Variants in MYPN observed in about 807,000 individuals in gnomAD.
MYPN encodes sarcomeric protein myopalladin, 145 kDa (MYOP).
In MYPN, 63 loss-of-function variants were observed where a neutral mutation model predicts 129.4. That is an observed-to-expected ratio of 0.49 (90% CI 0.40 to 0.60). MYPN has a LOEUF of 0.60. Among genes scored for constraint, MYPN ranks in the 20% least tolerant of loss-of-function variants. The probability of loss-of-function intolerance (pLI) is 0.00; values close to 1 mark genes in which losing one functional copy is unlikely to be tolerated. For synonymous variants in MYPN, 629 were observed against 600.9 expected, an observed-to-expected ratio of 1.05 and a Z score of -0.68; for missense variants, 1,596 against 1,635.4, an observed-to-expected ratio of 0.98 and a Z score of 0.42.
intron 6 of MYPN, among the ~76,000 whole-genome samples, chr10:68,152,525 A>T (rs1191305214): frequency 6.6e-6 from 1 of 152,154 alleles, no homozygotes; most frequent in East Asian, 1.9e-4. Flanking sequence ...TCTCCCGTTC[A>T]CCTTGAAGAC....
At chr10:68,154,800 A>G (rs75782977) in intron 6 of MYPN, among the ~76,000 whole-genome samples, 36 of 152,352 alleles carry the variant, frequency 2.4e-4, no homozygotes, top group African/African-American at 7.2e-4. Flanking sequence ...TCTACTAAGC[A>G]AGAACTATAT....
At chr10:68,139,720 C>T (rs2042544892) in intron 2 of MYPN, among the ~76,000 whole-genome samples, 1 of 152,168 alleles carries the variant, frequency 6.6e-6, no homozygotes, top group Admixed American at 6.5e-5. Context: ...TGCCATAGAA[C>T]TTGATGAAGC....
At position 68,175,487 on chromosome 10, in the gene MYPN, T is replaced by C. The variant is rs776821443; in HGVS notation, c.2703+26T>C. On this transcript the variant is annotated intron_variant, in intron 12 of 19. Coordinates refer to ENST00000358913, the MANE Select transcript of MYPN (RefSeq NM_032578.4). ...GTAAGATTGTTGGATTTAGAAGGTT[T>C]ATTGAAATTTTATTGTAAGGAATTT... 9.3e-6 allele frequency: 15 copies of C among 1,612,882 alleles called. No homozygotes were observed. In the Admixed American group the frequency reaches 2.3e-4, roughly 25 times the overall value.
rs1288217143 is a variant in MYPN at position 68,122,285 on chromosome 10, G to A, written c.847G>A (p.Gly283Arg). The change falls in exon 2 of 20, where the codon GGA (glycine) becomes AGA (arginine). Residue 283 changes from glycine (G) to arginine (R), a missense_variant. Coordinates refer to ENST00000358913, the MANE Select transcript of MYPN (RefSeq NM_032578.4). ...QKLRSREVPE[G>R]TRVQLDCIVV... is the part of the protein sequence containing the mutation. ...GTTACGGAGCAGAGAAGTTCCAGAAGGAACTCGAGTACAGTTGGATTGCAT... is the reference window on the plus strand; with the variant it reads ...GTTACGGAGCAGAGAAGTTCCAGAAAGAACTCGAGTACAGTTGGATTGCAT... 1.2e-6 allele frequency: 2 copies of A among 1,613,990 alleles called. No homozygotes were observed. Among genetic ancestry groups the A allele is most frequent in the Admixed American group, 1.7e-5 (1 of 60,020 alleles).
chr10:68,144,754 T>G (rs1239733779), intron 3 of MYPN, among the ~76,000 whole-genome samples: 1 of 152,152 alleles, frequency 6.6e-6, no homozygotes, highest in Non-Finnish European at 1.5e-5. Context: ...CCTACAATGT[T>G]TGGAATCCAG....
intron 2 of MYPN, among the ~76,000 whole-genome samples, chr10:68,138,864 T>C (rs182524424): frequency 3.9e-4 from 59 of 152,298 alleles, no homozygotes; most frequent in Non-Finnish European, 7.2e-4. Flanking sequence ...CCTGGTAGGG[T>C]AAAGTGAATG....
intron 4 of MYPN, among the ~76,000 whole-genome samples, chr10:68,146,554 T>C (rs1030955270): frequency 5.3e-5 from 8 of 152,240 alleles, no homozygotes; most frequent in African/African-American, 1.9e-4. Flanking sequence ...TTGTGTATCA[T>C]AGAGACTCAA....
At chr10:68,169,649 G>T (rs2043114802) in intron 10 of MYPN, among the ~76,000 whole-genome samples, 1 of 151,924 alleles carries the variant, frequency 6.6e-6, no homozygotes, top group African/African-American at 2.4e-5. Flanking sequence ...TCTTCTCCAG[G>T]TCCCCTCATG....
At chr10:68,136,211 C>A (rs910492369) in intron 2 of MYPN, 1 of 986,098 alleles carries the variant, frequency 1.0e-6, no homozygotes, top group Non-Finnish European at 1.2e-6. Flanking sequence ...TCTTCCCAGG[C>A]TTGCTAGCTA....
chr10:68,124,127 G>A (rs1048190923), intron 2 of MYPN, among the ~76,000 whole-genome samples: 17 of 152,084 alleles, frequency 1.1e-4, no homozygotes, highest in Admixed American at 6.6e-5. Context: ...ACCTAATTTT[G>A]CATTCTAAGT....
intron 10 of MYPN, among the ~76,000 whole-genome samples, chr10:68,171,603 G>A (rs1228981775): frequency 6.6e-6 from 1 of 152,202 alleles, no homozygotes; most frequent in Non-Finnish European, 1.5e-5. Flanking sequence ...TTCCATCCCA[G>A]GTAAATTAAC....
intron 18 of MYPN, among the ~76,000 whole-genome samples, chr10:68,203,688 C>T (rs1047063537): frequency 5.1e-5 from 2 of 39,332 alleles, no homozygotes; most frequent in Non-Finnish European, 7.1e-5. Context: ...AAAACGCGCA[C>T]GCACACACAC....
Position 68,188,840 on chromosome 10 carries a change from A to G in MYPN, c.2704-65A>G, listed in dbSNP as rs544976029. The G allele has an allele frequency of 5.8e-5, 81 of 1,400,550 alleles. 1 individual carries two copies. In the African/African-American group the frequency reaches 1.0e-3, roughly 17 times the overall value. 86.8% of individuals were successfully genotyped at this position (1,400,550 alleles called of 1,614,324 possible). On this transcript the variant is annotated intron_variant, in intron 12 of 19. Transcript: ENST00000358913. ...TGAATCTTAAAAAGTGGCTTCCTCA[A>G]TTGTACTGATGGACATGTTCTTCCT...
At chr10:68,148,836 C>T (rs1003735811) in intron 5 of MYPN, among the ~76,000 whole-genome samples, 2 of 152,108 alleles carry the variant, frequency 1.3e-5, no homozygotes, top group African/African-American at 2.4e-5. Context: ...CTTTCTAAGA[C>T]GAAGCAAGCA....
chr10:68,139,643 T>G (rs1366054068), intron 2 of MYPN, among the ~76,000 whole-genome samples: 1 of 152,214 alleles, frequency 6.6e-6, no homozygotes, highest in Non-Finnish European at 1.5e-5. Flanking sequence ...GTTTTATGCT[T>G]TGGGAGATTT....
At chr10:68,141,698 A>G (rs1173381278) in intron 2 of MYPN, among the ~76,000 whole-genome samples, 1 of 152,172 alleles carries the variant, frequency 6.6e-6, no homozygotes. Flanking sequence ...TGCAAACAAC[A>G]CGAACATATC....
At chr10:68,130,026 C>T (rs77732074) in intron 2 of MYPN, among the ~76,000 whole-genome samples, 3,393 of 152,196 alleles carry the variant, frequency 0.022, 134 homozygotes, top group African/African-American at 0.077. Flanking sequence ...TTTTCATTTC[C>T]GCAGTTACAA....
intron 19 of MYPN, among the ~76,000 whole-genome samples, chr10:68,208,432 G>A (rs10998021): frequency 0.31 from 47,182 of 152,080 alleles, 8,085 homozygotes; most frequent in East Asian, 0.66. Context: ...ATTAAACTGT[G>A]AAGGAAGCAG....
intron 2 of MYPN, among the ~76,000 whole-genome samples, chr10:68,133,767 G>A (rs1273181691): frequency 6.6e-6 from 1 of 151,520 alleles, no homozygotes; most frequent in Non-Finnish European, 1.5e-5. Context: ...TGAGCCACAA[G>A]CACAGCCAAT....
Sources: gnomAD v4.1 joint callset for allele counts (sites outside exome capture counted in the v4.1 genomes callset) on GRCh38, gnomAD v4.1.1 for gene constraint, MANE v1.5 for transcripts, NCBI Gene and HGNC (gene_info 2026-07-23, HGNC 2026-07-21) for gene names.